SRGAP1: variants seen among roughly 807,000 people sequenced by gnomAD.
The protein encoded by SRGAP1 is SLIT-ROBO Rho GTPase-activating protein 1.
SRGAP1 carries 43 observed loss-of-function variants against 121.9 expected under a neutral mutation model. That is an observed-to-expected ratio of 0.35 (90% CI 0.28 to 0.46). The LOEUF is 0.46. Ranked by LOEUF, SRGAP1 falls within the 20% of genes least tolerant of loss-of-function variation. The pLI, the probability that SRGAP1 is intolerant of heterozygous loss-of-function variation, is 1.00. For missense variants in SRGAP1, 1,102 were observed against 1,350.9 expected (o/e 0.82, Z 2.89); for synonymous variants, 447 against 485.4 (o/e 0.92, Z 1.04).
chr12:63,852,743 G>A (rs1167903765), intron 1 of SRGAP1, among the ~76,000 whole-genome samples: 2 of 152,158 alleles, frequency 1.3e-5, no homozygotes, highest in African/African-American at 2.4e-5. Flanking sequence ...TAAAGTCACT[G>A]CCTTAATCTC....
At chr12:64,020,843 CAAAAAAA>C (rs34144761) in intron 4 of SRGAP1, among the ~76,000 whole-genome samples, 1 of 70,068 alleles carries the variant, frequency 1.4e-5, no homozygotes, top group Non-Finnish European at 2.8e-5. Flanking sequence ...GACTCCGTCT[CAAAAAAA>C]AAAAAAAAAA....
chr12:64,076,859 G>A (rs2035747484), intron 8 of SRGAP1, among the ~76,000 whole-genome samples: 1 of 152,080 alleles, frequency 6.6e-6, no homozygotes, highest in South Asian at 2.1e-4. Flanking sequence ...GGCCAGGCTG[G>A]TCTCGAACTC....
intron 1 of SRGAP1, among the ~76,000 whole-genome samples, chr12:63,913,840 A>T (rs993140974): frequency 1.3e-5 from 2 of 152,008 alleles, no homozygotes; most frequent in South Asian, 4.1e-4. Context: ...AAAATTGGAG[A>T]TTGCATTTTT....
At chr12:63,912,743 C>T (rs1428060773) in intron 1 of SRGAP1, among the ~76,000 whole-genome samples, 2 of 152,042 alleles carry the variant, frequency 1.3e-5, no homozygotes, top group African/African-American at 2.4e-5. Flanking sequence ...GCTGTTGTTT[C>T]CCATCTGAAA....
At chr12:63,931,995 G>C (rs937919552) in intron 1 of SRGAP1, among the ~76,000 whole-genome samples, 2 of 152,206 alleles carry the variant, frequency 1.3e-5, no homozygotes, top group Non-Finnish European at 2.9e-5. Context: ...TCAGTCCAAA[G>C]AGTTTGGATA....
At chr12:64,022,917 T>C (rs940889520) in intron 4 of SRGAP1, among the ~76,000 whole-genome samples, 1 of 152,050 alleles carries the variant, frequency 6.6e-6, no homozygotes, top group South Asian at 2.1e-4. Flanking sequence ...TAAATAAATG[T>C]ATAATATGGG....
intron 1 of SRGAP1, among the ~76,000 whole-genome samples, chr12:63,944,010 T>C (rs976048686): frequency 4.6e-5 from 7 of 152,168 alleles, no homozygotes; most frequent in African/African-American, 1.7e-4. Flanking sequence ...TGGATGTATA[T>C]GTACATGTTA....
In SRGAP1 at chr12:64,149,756, C is replaced by G. The variant is rs1312431035; in HGVS notation, c.*7084C>G. The stretch of plus-strand genomic sequence containing the variant: ...ATTCCCCAAGTTTGACCTAGAATGT[C>G]AAAAAGGTCCTAAAAGCACAGAATG... On this transcript the variant is annotated 3_prime_UTR_variant, in exon 22 of 22. Coordinates refer to ENST00000355086, the MANE Select transcript of SRGAP1 (RefSeq NM_020762.4). 3 of 152,074 alleles carry G rather than the reference C, an allele frequency of 2.0e-5. No individual in the cohort carries two copies. Among genetic ancestry groups the G allele is most frequent in the African/African-American group, 7.2e-5 (3 of 41,406 alleles). The allele number at this position is 152,074 out of a possible 1,614,324, so 9.4% of individuals were successfully genotyped here. A position where few individuals can be genotyped will look rare whatever the true frequency, so the allele number is the denominator to read the frequency against.
chr12:64,125,753 A>G (rs2036677134), intron 18 of SRGAP1, among the ~76,000 whole-genome samples: 1 of 152,170 alleles, frequency 6.6e-6, no homozygotes, highest in Non-Finnish European at 1.5e-5. Context: ...TCCAGTGTTC[A>G]GTTTTTCTTT....
intron 1 of SRGAP1, among the ~76,000 whole-genome samples, chr12:63,969,649 C>A (rs758285340): frequency 6.6e-6 from 1 of 151,986 alleles, no homozygotes; most frequent in Non-Finnish European, 1.5e-5. Context: ...AAAAAATTAG[C>A]CGGGCGTGGT....
At chr12:63,963,064 A>G in intron 1 of SRGAP1, among the ~76,000 whole-genome samples, 1 of 152,184 alleles carries the variant, frequency 6.6e-6, no homozygotes, top group South Asian at 2.1e-4. Context: ...TATAGCTTAT[A>G]TACTATTTTT....
chr12:64,060,796 G>A lies in SRGAP1; in HGVS notation c.802-2121G>A, dbSNP rs1206094211. On this transcript the variant is annotated intron_variant, in intron 6 of 21. Transcript: ENST00000355086. ...TTTGTACAAAAGTTGCTTTCTTTGC[G>A]ACTCCTCCACTATTTTAACAGCAAA... is the stretch of plus-strand genomic sequence containing the variant. Among the ~76,000 whole-genome samples the A allele has an allele frequency of 5.3e-5, 8 of 152,194 alleles. No individual in the cohort carries two copies. In the South Asian group the frequency reaches 1.2e-3, roughly 24 times the overall value.
chr12:64,041,519 G>A (rs2035024304), intron 4 of SRGAP1, among the ~76,000 whole-genome samples: 1 of 151,958 alleles, frequency 6.6e-6, no homozygotes, highest in East Asian at 1.9e-4. Flanking sequence ...CAAGTAGCTG[G>A]CTCTACAGGT....
intron 4 of SRGAP1, among the ~76,000 whole-genome samples, chr12:64,017,694 A>G (rs960373304): frequency 6.6e-6 from 1 of 151,824 alleles, no homozygotes; most frequent in Non-Finnish European, 1.5e-5. Flanking sequence ...GAACTTGAGC[A>G]ATTTAGGTTG....
intron 3 of SRGAP1, among the ~76,000 whole-genome samples, chr12:64,004,467 G>GT (rs1188729011): frequency 6.6e-6 from 1 of 152,144 alleles, no homozygotes; most frequent in Admixed American, 6.6e-5. Flanking sequence ...CACCTTCCGA[G>GT]TTCAAGTGAT....
intron 1 of SRGAP1, among the ~76,000 whole-genome samples, chr12:63,947,244 A>G (rs1353477290): frequency 3.9e-5 from 6 of 152,146 alleles, no homozygotes; most frequent in African/African-American, 9.7e-5. Flanking sequence ...CCATTTTACA[A>G]TTTCACCAGA....
rs546048094 is a variant in SRGAP1 at position 64,113,264 on chromosome 12, C to T, written c.2144+1278C>T. On this transcript the variant is annotated intron_variant, in intron 17 of 21. Transcript: ENST00000355086. ...CTCTACTAAAAATACAAAAATTAGC[C>T]AGGCATGGTGGTACGTGCCTGTAGT... 3.6e-4 allele frequency among the ~76,000 whole-genome samples: 55 copies of T among 152,064 alleles called. No individual in the cohort carries two copies. The East Asian group carries it at 8.7e-3, about 24-fold the overall frequency.
intron 8 of SRGAP1, among the ~76,000 whole-genome samples, chr12:64,074,528 G>A (rs906609672): frequency 2.0e-5 from 3 of 152,106 alleles, no homozygotes; most frequent in Non-Finnish European, 4.4e-5. Context: ...GAAGGCCAGG[G>A]TCTCTCTTTT....
At chr12:63,852,018 G>T (rs978060745) in intron 1 of SRGAP1, among the ~76,000 whole-genome samples, 5 of 152,058 alleles carry the variant, frequency 3.3e-5, no homozygotes, top group African/African-American at 1.2e-4. Context: ...ACAGGGTCTC[G>T]CTCTGTTGCT....
Sources: allele counts gnomAD v4.1 joint callset (sites outside exome capture counted in the v4.1 genomes callset), GRCh38; gene constraint gnomAD v4.1.1; transcripts MANE v1.5; gene names NCBI Gene and HGNC (gene_info 2026-07-23, HGNC 2026-07-21).